Variants in NRXN3 observed in about 807,000 individuals in gnomAD.
The protein encoded by NRXN3 is neurexin 3.
In NRXN3, 32 loss-of-function variants were observed where a neutral mutation model predicts 137.6. The ratio of observed to expected loss-of-function variants is 0.23; its 90% confidence interval spans 0.18 to 0.31. The LOEUF (loss-of-function observed/expected upper bound fraction) is 0.31. Among genes scored for constraint, NRXN3 ranks in the 10% least tolerant of loss-of-function variants. The pLI is 1.00. For missense variants in NRXN3, 1,574 were observed against 2,062.5 expected (o/e 0.76, Z 4.59); for synonymous variants, 798 against 784.5 (o/e 1.02, Z -0.29).
Position 78,967,355 on chromosome 14 carries a change from G to C in NRXN3, c.2925G>C (p.Val975=). The C allele has an allele frequency of 6.2e-7, 1 of 1,613,862 alleles. No individual in the cohort carries two copies. Among genetic ancestry groups the C allele is most frequent in the Admixed American group, 1.7e-5 (1 of 59,988 alleles). The stretch of plus-strand genomic sequence containing the variant: ...ATAGCCTGAAAGTGGACACCAAAGT[G>C]GTCACTCAGGTTATCAATGGTGCCA... The part of the protein sequence containing the change: ...NTHSLKVDTK[V]VTQVINGAKN... Residue 975 remains valine, a synonymous_variant, in exon 13 of 21, where the codon GTG becomes GTC. Transcript: ENST00000335750.
At chr14:79,666,085 A>T (rs913441358) in intron 17 of NRXN3, among the ~76,000 whole-genome samples, 29 of 152,224 alleles carry the variant, frequency 1.9e-4, no homozygotes, top group African/African-American at 7.0e-4. Flanking sequence ...CCCACATGTA[A>T]TTCAAAATAC....
chr14:79,765,110 G>GTGTT, intron 19 of NRXN3, among the ~76,000 whole-genome samples: 1 of 152,038 alleles, frequency 6.6e-6, no homozygotes, highest in Non-Finnish European at 1.5e-5. Flanking sequence ...ATTCTTTTTA[G>GTGTT]TGTTTCCATT....
intron 5 of NRXN3, among the ~76,000 whole-genome samples, chr14:78,647,497 A>G (rs114067922): frequency 0.01 from 1,588 of 152,352 alleles, 21 homozygotes; most frequent in African/African-American, 0.036. Flanking sequence ...TGACGTGCAC[A>G]TGATCTACAG....
chr14:79,747,210 G>T (rs1484993750), intron 19 of NRXN3, among the ~76,000 whole-genome samples: 2 of 151,814 alleles, frequency 1.3e-5, no homozygotes, highest in East Asian at 1.9e-4. Flanking sequence ...TACCTCAAAG[G>T]GCAGGTAGTT....
Position 78,957,263 on chromosome 14 carries a change from A to G in NRXN3, c.2297A>G (p.Tyr766Cys), listed in dbSNP as rs1479354809. Residue 766 changes from tyrosine (Y) to cysteine (C), a missense_variant, in exon 11 of 21, where the codon TAT becomes TGT. Physicochemically the swap from Tyr to Cys is radical, Grantham distance 194. Transcript: ENST00000335750. ...CNSSKGPETL[Y>C]AGQKLNDNEW... ...TTAGGCAAAGGACCAGAGACCTTGT[A>G]TGCAGGGCAGAAGCTCAATGACAAC... is the stretch of plus-strand genomic sequence containing the variant. The G allele has an allele frequency of 1.2e-6, 2 of 1,614,130 alleles. No individual in the cohort carries two copies. Among genetic ancestry groups the G allele is most frequent in the Admixed American group, 3.3e-5 (2 of 60,020 alleles).
intron 16 of NRXN3, among the ~76,000 whole-genome samples, chr14:79,662,620 G>A (rs1455532592): frequency 6.6e-6 from 1 of 152,082 alleles, no homozygotes; most frequent in African/African-American, 2.4e-5. Context: ...ATAAAGAAAA[G>A]AGTTTTTAAT....
chr14:78,515,996 C>G (rs75026139), intron 4 of NRXN3, among the ~76,000 whole-genome samples: 2,252 of 152,222 alleles, frequency 0.015, 54 homozygotes, highest in African/African-American at 0.053. Context: ...GGATTCGTTG[C>G]TGTGAGGACT....
chr14:78,704,897 G>T (rs17108081), intron 6 of NRXN3, among the ~76,000 whole-genome samples: 45,497 of 152,076 alleles, frequency 0.3, 8,796 homozygotes, highest in African/African-American at 0.55. Flanking sequence ...TCCTGGTATT[G>T]CTCCTGTGTG....
intron 4 of NRXN3, among the ~76,000 whole-genome samples, chr14:78,598,069 A>T (rs1017702339): frequency 1.2e-4 from 19 of 152,372 alleles, no homozygotes; most frequent in African/African-American, 4.6e-4. Context: ...AAGCCCAGAC[A>T]GCCTTACAGA....
intron 15 of NRXN3, among the ~76,000 whole-genome samples, chr14:79,061,038 C>T (rs528342670): frequency 6.6e-6 from 1 of 152,280 alleles, no homozygotes; most frequent in African/African-American, 2.4e-5. Flanking sequence ...AGTCAGGCAT[C>T]TACTTAGTGG....
intron 10 of NRXN3, among the ~76,000 whole-genome samples, chr14:78,821,338 G>C (rs2098950172): frequency 6.6e-6 from 1 of 151,986 alleles, no homozygotes; most frequent in African/African-American, 2.4e-5. Context: ...AGTAATATTT[G>C]AAACACAAAA....
chr14:78,792,281 AAAGG>A (rs2098808072), intron 8 of NRXN3, among the ~76,000 whole-genome samples: 1 of 97,516 alleles, frequency 1.0e-5, no homozygotes, highest in African/African-American at 3.1e-5. Flanking sequence ...AAAAAAAAAA[AAAGG>A]AAAGCCAAAA....
intron 10 of NRXN3, among the ~76,000 whole-genome samples, chr14:78,903,330 T>C (rs577244430): frequency 6.6e-6 from 1 of 151,868 alleles, no homozygotes; most frequent in Admixed American, 6.6e-5. Flanking sequence ...TTTGTAGAGA[T>C]AGGGTTTCGC....
chr14:78,453,409 C>T (rs1009187005), intron 4 of NRXN3, among the ~76,000 whole-genome samples: 1 of 152,194 alleles, frequency 6.6e-6, no homozygotes, highest in African/African-American at 2.4e-5. Context: ...GACCATTTTG[C>T]TAAAGCCCAG....
At chr14:79,669,533 T>C (rs929859414) in intron 17 of NRXN3, among the ~76,000 whole-genome samples, 2 of 152,150 alleles carry the variant, frequency 1.3e-5, no homozygotes, top group African/African-American at 4.8e-5. Flanking sequence ...TTCCACATTA[T>C]GCAGTTTGTC....
At chr14:79,181,132 C>T (rs2062879097) in intron 15 of NRXN3, among the ~76,000 whole-genome samples, 1 of 151,286 alleles carries the variant, frequency 6.6e-6, no homozygotes, top group Non-Finnish European at 1.5e-5. Context: ...AAAGTATGAA[C>T]TTGGTCTATA....
chr14:78,955,155 C>T (rs72685467), intron 10 of NRXN3, among the ~76,000 whole-genome samples: 7,021 of 152,266 alleles, frequency 0.046, 212 homozygotes, highest in Non-Finnish European at 0.073. Flanking sequence ...ATATTCTCCA[C>T]GTCTTTCTTC....
chr14:78,671,210 G>C (rs2097931279), intron 6 of NRXN3, among the ~76,000 whole-genome samples: 1 of 152,186 alleles, frequency 6.6e-6, no homozygotes, highest in Non-Finnish European at 1.5e-5. Flanking sequence ...GTGCCAAAGA[G>C]AGGACCAATA....
intron 15 of NRXN3, among the ~76,000 whole-genome samples, chr14:78,995,778 A>G (rs2099528777): frequency 6.6e-6 from 1 of 152,258 alleles, no homozygotes; most frequent in Non-Finnish European, 1.5e-5. Context: ...CAAGATGGTA[A>G]CAGTGTAAAC....
Sources: allele counts gnomAD v4.1 joint callset (sites outside exome capture counted in the v4.1 genomes callset), GRCh38; gene constraint gnomAD v4.1.1; transcripts MANE v1.5; gene names NCBI Gene and HGNC (gene_info 2026-07-23, HGNC 2026-07-21).